CCT2: variants seen among roughly 807,000 people sequenced by gnomAD.
The protein encoded by CCT2 is chaperonin containing TCP1 subunit 2.
CCT2 carries 18 observed loss-of-function variants against 61.8 expected under a neutral mutation model. That is an observed-to-expected ratio of 0.29 (90% CI 0.20 to 0.43). The LOEUF (loss-of-function observed/expected upper bound fraction) is 0.43, where lower values mean the gene tolerates loss of function less well. Ranked by LOEUF, CCT2 falls within the 20% of genes least tolerant of loss-of-function variation. The pLI, the probability that CCT2 is intolerant of heterozygous loss-of-function variation, is 1.00. For missense variants in CCT2, 556 were observed against 656.9 expected (o/e 0.85, Z 1.68); for synonymous variants, 248 against 215.9 (o/e 1.15, Z -1.30).
chr12:69,585,734 C>T lies in CCT2; in HGVS notation c.3+210C>T, dbSNP rs1212578871. The T allele has an allele frequency of 2.1e-6, 3 of 1,454,882 alleles. No homozygotes were observed. The Admixed American group carries it at 7.6e-5, about 37-fold the overall frequency. 90.1% of individuals were successfully genotyped at this position (1,454,882 alleles called of 1,614,324 possible). ...GGGGAGGGGTGGACCGCAAAGCCAG[C>T]GTCTCCTTGTGCCTAGGTCTTTGCA... On this transcript the variant is annotated intron_variant, in intron 1 of 15. Transcript: ENST00000299300.
At chr12:69,592,242 C>T (rs956770878) in intron 8 of CCT2, 83 bp downstream of exon 8, 18 of 712,494 alleles carry the variant, frequency 2.5e-5, no homozygotes, top group Admixed American at 9.3e-5. Context: ...TTTGGGAGGC[C>T]AAGGTGGTGG....
In CCT2 at chr12:69,597,211, C is replaced by T; in HGVS notation, c.1038C>T (p.Cys346=). 6.2e-7 allele frequency: 1 copy of T among 1,613,970 alleles called. No homozygotes were observed. Among genetic ancestry groups the T allele is most frequent in the Non-Finnish European group, 8.5e-7 (1 of 1,179,874 alleles). ...DHPELVKLGS[C]KLIEEVMIGE... Reference sequence around the variant, plus strand: ...CAGAACTGGTGAAGCTTGGAAGTTGCAAACTTATCGAGGAAGTCATGATTG... The same window carrying T: ...CAGAACTGGTGAAGCTTGGAAGTTGTAAACTTATCGAGGAAGTCATGATTG... The change falls in exon 11 of 16, where the codon TGC becomes TGT. Residue 346 remains cysteine (C), a synonymous_variant. Transcript: ENST00000299300.
At chr12:69,585,761 A>G (rs911358212) in intron 1 of CCT2, 5 of 1,419,258 alleles carry the variant, frequency 3.5e-6, no homozygotes, top group African/African-American at 1.4e-5. Flanking sequence ...GTCTTTGCAT[A>G]GTCCCGGCAG....
rs1462299062 is a variant in CCT2, at chr12:69,597,142, G to A, written c.983-14G>A. On this transcript the variant is annotated splice_polypyrimidine_tract_variant and intron_variant, in intron 10 of 15. Transcript: ENST00000299300. Reference sequence around the variant, plus strand: ...CCTGCTGTGCATTTAACTAATACATGTTTATGTTTATAGGTGGTGAAATTG... The same window carrying A: ...CCTGCTGTGCATTTAACTAATACATATTTATGTTTATAGGTGGTGAAATTG... The A allele has an allele frequency of 1.2e-6, 2 of 1,612,246 alleles. No individual in the cohort carries two copies. The highest frequency in any genetic ancestry group is 1.7e-5 in the Admixed American group (1 of 59,926).
intron 9 of CCT2, 118 bp from the exon 10 acceptor site, chr12:69,593,392 T>A: frequency 4.4e-6 from 3 of 685,642 alleles, no homozygotes; most frequent in Non-Finnish European, 7.3e-6. Context: ...AGAAATGCAA[T>A]CTTGTTCTAA....
intron 3 of CCT2, chr12:69,587,044 TTC>T (rs1474142305): frequency 9.4e-6 from 4 of 425,876 alleles, no homozygotes; most frequent in Admixed American, 8.1e-5. Context: ...TCTTCTAATA[TTC>T]TGTTTATGTA....
rs1882105281 is a variant in CCT2, at chr12:69,600,013, A to AC, written c.1577+10dup. On this transcript the variant is annotated intron_variant, in intron 15 of 15. Coordinates refer to ENST00000299300, the MANE Select transcript of CCT2 (RefSeq NM_006431.3). ...ATCAAAGCGGCACCCAGGTACCCTA[A>AC]CACTTTTCTCAGAAAAAATTACTAA... 1 of 1,594,520 alleles carries AC rather than the reference A, an allele frequency of 6.3e-7. No homozygotes were observed.
chr12:69,592,932 A>G lies in CCT2; in HGVS notation c.751-44A>G, dbSNP rs754693558. 8 of 1,593,200 alleles carry G rather than the reference A, an allele frequency of 5.0e-6. No individual in the cohort carries two copies. The South Asian group carries it at 9.0e-5, about 18-fold the overall frequency. On this transcript the variant is annotated intron_variant, in intron 8 of 15. Coordinates refer to ENST00000299300, the MANE Select transcript of CCT2 (RefSeq NM_006431.3). ...AACAGAGCGAGACTCAATCTCAAAA[A>G]AAATAATGAAACTGATGCTCTCTTT...
At position 69,586,756 on chromosome 12, in the gene CCT2, T is replaced by A. The variant is rs1221167633; in HGVS notation, c.82T>A (p.Ser28Thr). 1 of 1,597,680 alleles carries A rather than the reference T, an allele frequency of 6.3e-7. No individual in the cohort carries two copies. The highest frequency in any genetic ancestry group is 1.8e-5 in the Admixed American group (1 of 57,088). Residue 28 changes from serine to threonine, a missense_variant, in exon 3 of 16, where the codon TCT becomes ACT. Physicochemically the swap from Ser to Thr is moderately conservative, Grantham distance 58. Transcript: ENST00000299300. ...ATCTCCTTGGTTTTTACTCCAGACT[T>A]CTTTTATTGGTGCCATCGCCATTGG... is the stretch of plus-strand genomic sequence containing the variant. ...EERAETARLT[S>T]FIGAIAIGDL...
At position 69,601,298 on chromosome 12, in the gene CCT2, A is replaced by G. The variant is rs573646203; in HGVS notation, c.1581A>G (p.Lys527=). The change falls in exon 16 of 16, where the codon AAA becomes AAG. Residue 527 remains lysine, a synonymous_variant. Coordinates refer to ENST00000299300, the MANE Select transcript of CCT2 (RefSeq NM_006431.3). ...GACTTTTTTCTTACTCTCATAGGAA[A>G]CGTGTCCCTGATCACCACCCCTGTT... is the stretch of plus-strand genomic sequence containing the variant. ...VDNIIKAAPR[K]RVPDHHPC The G allele has an allele frequency of 4.4e-6, 7 of 1,599,972 alleles. No homozygotes were observed. The highest frequency in any genetic ancestry group is 6.0e-6 in the Non-Finnish European group (7 of 1,176,300).
intron 13 of CCT2, 42 bp downstream of exon 13, chr12:69,598,113 G>A (rs1263174893): frequency 1.4e-6 from 2 of 1,399,768 alleles, no homozygotes; most frequent in Non-Finnish European, 2.0e-6. Flanking sequence ...AAGTTTTGTG[G>A]TTATTGATAG....
rs1398090364 is a variant in CCT2, at chr12:69,597,720, T to C, written c.1185T>C (p.Cys395=). 3 of 1,613,660 alleles carry C rather than the reference T, an allele frequency of 1.9e-6. No individual in the cohort carries two copies. The African/African-American group carries it at 4.0e-5, about 22-fold the overall frequency. ...AAAGATCATTGCATGATGCTCTTTG[T>C]GTTCTTGCGCAAACTGTAAAGGACT... ...EAERSLHDAL[C]VLAQTVKDSR... The change falls in exon 12 of 16, where the codon TGT becomes TGC. Residue 395 remains cysteine (C), a synonymous_variant. Transcript: ENST00000299300.
Position 69,588,021 on chromosome 12 carries a change from G to A in CCT2, c.333+15G>A, listed in dbSNP as rs1881715357. 6.2e-7 allele frequency: 1 copy of A among 1,607,694 alleles called. No individual in the cohort carries two copies. Among genetic ancestry groups the A allele is most frequent in the Non-Finnish European group, 8.5e-7 (1 of 1,174,336 alleles). ...AATTATTAAGGGTAAGAGCAACTAA[G>A]CAACTCTTTTTTCCTACTGTGTTTT... is the stretch of plus-strand genomic sequence containing the variant. On this transcript the variant is annotated intron_variant, in intron 5 of 15. Transcript: ENST00000299300.
intron 14 of CCT2, among the ~76,000 whole-genome samples, chr12:69,599,531 G>T (rs1882088288): frequency 6.6e-6 from 1 of 151,980 alleles, no homozygotes; most frequent in Non-Finnish European, 1.5e-5. Context: ...GGGATTACAG[G>T]TGCCCACCAC....
At chr12:69,598,478 C>A in intron 14 of CCT2, 57 bp downstream of exon 14, 4 of 1,023,366 alleles carry the variant, frequency 3.9e-6, no homozygotes, top group Non-Finnish European at 5.7e-6. Context: ...TTTCACTAAG[C>A]TTTTTTTTTC....
At chr12:69,595,711 G>A (rs1250072861) in intron 10 of CCT2, among the ~76,000 whole-genome samples, 2 of 142,188 alleles carry the variant, frequency 1.4e-5, no homozygotes, top group African/African-American at 5.2e-5. Context: ...AAAAAAAGAT[G>A]TAAGAAGTAA....
In CCT2 at chr12:69,588,272, G is replaced by A. The variant is rs779036774; in HGVS notation, c.446+10G>A. 2 of 1,556,230 alleles carry A rather than the reference G, an allele frequency of 1.3e-6. No individual in the cohort carries two copies. The highest frequency in any genetic ancestry group is 2.2e-5 in the South Asian group (2 of 89,836). ...CTGCAGTTGATCATGGGTTTGTATA[G>A]CAAAGTACTACTGTTCTAAACATTT... is the stretch of plus-strand genomic sequence containing the variant. On this transcript the variant is annotated intron_variant, in intron 6 of 15. Coordinates refer to ENST00000299300, the MANE Select transcript of CCT2 (RefSeq NM_006431.3).
At chr12:69,589,942 G>A (rs1356788313) in intron 7 of CCT2, among the ~76,000 whole-genome samples, 2 of 152,192 alleles carry the variant, frequency 1.3e-5, no homozygotes, top group African/African-American at 2.4e-5. Flanking sequence ...AAGAGGAAAT[G>A]TTTTCTTTTA....
Position 69,601,513 on chromosome 12 carries a change from T to C in CCT2, c.*188T>C. The C allele has an allele frequency of 7.0e-7, 1 of 1,437,784 alleles. No individual in the cohort carries two copies. The highest frequency in any genetic ancestry group is 1.5e-5 in the South Asian group (1 of 67,008). The allele number at this position is 1,437,784 out of a possible 1,614,324, so 89.1% of individuals were successfully genotyped here. A position where few individuals can be genotyped will look rare whatever the true frequency, so the allele number is the denominator to read the frequency against. On this transcript the variant is annotated 3_prime_UTR_variant, in exon 16 of 16. Coordinates refer to ENST00000299300, the MANE Select transcript of CCT2 (RefSeq NM_006431.3). ...CCGTGTCATTTTCCATACAAATCAGTTGATTTAAAAAAGTTCATTTCTCAT... is the reference window on the plus strand; with the variant it reads ...CCGTGTCATTTTCCATACAAATCAGCTGATTTAAAAAAGTTCATTTCTCAT...
Sources: gnomAD v4.1 joint callset for allele counts (sites outside exome capture counted in the v4.1 genomes callset) on GRCh38, gnomAD v4.1.1 for gene constraint, MANE v1.5 for transcripts, NCBI Gene and HGNC (gene_info 2026-07-23, HGNC 2026-07-21) for gene names.